Variants in RUSC2 observed in about 807,000 individuals in gnomAD.
RUSC2 encodes the protein AP-4 complex accessory subunit RUSC2.
Under a neutral mutation model 122.2 loss-of-function variants are expected in RUSC2, and 34 were observed. That is an observed-to-expected ratio of 0.28 (90% CI 0.21 to 0.37). The LOEUF (loss-of-function observed/expected upper bound fraction) is 0.37. RUSC2 is among the 10% of genes least tolerant of loss of function. The pLI, the probability that RUSC2 is intolerant of heterozygous loss-of-function variation, is 1.00. For missense variants in RUSC2, 1,747 were observed against 1,952.4 expected, an observed-to-expected ratio of 0.89 and a Z score of 1.98; for synonymous variants, 784 against 790.0, an observed-to-expected ratio of 0.99 and a Z score of 0.13.
At chr9:35,551,855 T>C (rs1230830338) in intron 2 of RUSC2, among the ~76,000 whole-genome samples, 1 of 151,316 alleles carries the variant, frequency 6.6e-6, no homozygotes, top group Non-Finnish European at 1.5e-5. Flanking sequence ...AAGCCAGGGG[T>C]TTGAGACCAG....
intron 1 of RUSC2, among the ~76,000 whole-genome samples, chr9:35,504,637 G>C (rs2132498393): frequency 6.6e-6 from 1 of 151,986 alleles, no homozygotes; most frequent in Non-Finnish European, 1.5e-5. Context: ...AGCTAATTTT[G>C]TATTTTTAGT....
intron 1 of RUSC2, among the ~76,000 whole-genome samples, chr9:35,539,816 TCCTC>T (rs1821607822): frequency 6.6e-6 from 1 of 152,028 alleles, no homozygotes; most frequent in South Asian, 2.1e-4. Context: ...CCTCCTGCCC[TCCTC>T]CCTTTGATCC....
rs756696312 is a variant in RUSC2, at chr9:35,526,966, TTATAAG to T, written c.-92-19459_-92-19454del. On this transcript the variant is annotated intron_variant, in intron 1 of 11. Transcript: ENST00000361226. ...CTTGATTCTCTACCAAAGATTCTGA[TTATAAG>T]TATATTAAACATTTTCATTCTATCT... is the stretch of plus-strand genomic sequence containing the variant. Among the ~76,000 whole-genome samples the T allele has an allele frequency of 3.4e-4, 52 of 152,326 alleles. 1 individual carries two copies. The South Asian group carries it at 8.9e-3, about 26-fold the overall frequency.
chr9:35,505,599 T>C (rs1022285741), intron 1 of RUSC2, among the ~76,000 whole-genome samples: 13 of 152,210 alleles, frequency 8.5e-5, no homozygotes, highest in Admixed American at 2.0e-4. Context: ...CTCAGAGATC[T>C]AGAGAGAAAT....
intron 1 of RUSC2, chr9:35,538,959 A>G (rs995362452): frequency 1.3e-5 from 2 of 152,304 alleles, no homozygotes; most frequent in Non-Finnish European, 2.9e-5. Context: ...ATGCCATTGT[A>G]TTAGCAGAAA....
intron 1 of RUSC2, among the ~76,000 whole-genome samples, chr9:35,509,329 A>G (rs1468034904): frequency 6.6e-6 from 1 of 152,166 alleles, no homozygotes; most frequent in Admixed American, 6.5e-5. Context: ...CATGGTGTAC[A>G]TGTCTGGAAA....
intron 2 of RUSC2, among the ~76,000 whole-genome samples, chr9:35,552,761 G>C (rs961012487): frequency 6.6e-6 from 1 of 152,166 alleles, no homozygotes; most frequent in African/African-American, 2.4e-5. Flanking sequence ...AAACTGACTC[G>C]GGTGAATACG....
At chr9:35,525,694 G>T (rs1170238045) in intron 1 of RUSC2, among the ~76,000 whole-genome samples, 2 of 152,114 alleles carry the variant, frequency 1.3e-5, no homozygotes, top group Admixed American at 1.3e-4. Context: ...AGCTACTCGG[G>T]AGGTTGAGGC....
At chr9:35,532,481 A>C (rs1030788833) in intron 1 of RUSC2, among the ~76,000 whole-genome samples, 19 of 152,232 alleles carry the variant, frequency 1.2e-4, no homozygotes, top group African/African-American at 4.6e-4. Flanking sequence ...TTGATGGCAC[A>C]TGCCTATAAT....
intron 1 of RUSC2, among the ~76,000 whole-genome samples, chr9:35,533,112 T>C (rs1821453713): frequency 6.6e-6 from 1 of 152,034 alleles, no homozygotes; most frequent in African/African-American, 2.4e-5. Context: ...CCAAGCATAG[T>C]GGCGCATGCC....
In RUSC2 at chr9:35,558,112, C is replaced by T; in HGVS notation, c.3061-85C>T. ...GTTGGGTACTTAGGAATGGGGACGG[C>T]AAGAGGGGAACCATGAGGGCCTGCT... On this transcript the variant is annotated intron_variant, in intron 6 of 11. Coordinates refer to ENST00000361226, the MANE Select transcript of RUSC2 (RefSeq NM_014806.5). This position sits in a 1 kb window ranked among gnomAD's most constrained non-coding sequence, Gnocchi z 4.3. 6.3e-7 allele frequency: 1 copy of T among 1,587,266 alleles called. No homozygotes were observed. Among genetic ancestry groups the T allele is most frequent in the East Asian group, 2.2e-5 (1 of 44,644 alleles).
intron 1 of RUSC2, among the ~76,000 whole-genome samples, chr9:35,516,613 T>C (rs950667420): frequency 6.6e-6 from 1 of 152,220 alleles, no homozygotes; most frequent in African/African-American, 2.4e-5. Context: ...TCAGCTCCAA[T>C]ACAAATAACC....
Position 35,557,096 on chromosome 9 carries a change from G to A in RUSC2, c.2983+648G>A, listed in dbSNP as rs1008841395. On this transcript the variant is annotated intron_variant, in intron 5 of 11. Coordinates refer to ENST00000361226, the MANE Select transcript of RUSC2 (RefSeq NM_014806.5). The surrounding 1 kb of genome is among the most constrained non-coding windows in gnomAD (Gnocchi z 4.6). ...AGAGGGCCCAGCAGCTTGGGTAAGA[G>A]TGTTGGTGACATCTAGTAAGATGAA... 6.6e-6 allele frequency among the ~76,000 whole-genome samples: 1 copy of A among 152,192 alleles called. No homozygotes were observed. The highest frequency in any genetic ancestry group is 1.9e-4 in the East Asian group (1 of 5,198).
At chr9:35,520,724 C>T (rs1177263551) in intron 1 of RUSC2, among the ~76,000 whole-genome samples, 1 of 152,190 alleles carries the variant, frequency 6.6e-6, no homozygotes, top group Admixed American at 6.5e-5. Context: ...TTCCAGCTAA[C>T]TTTCTCCTGC....
intron 1 of RUSC2, among the ~76,000 whole-genome samples, chr9:35,510,740 ACT>A (rs1348350936): frequency 6.6e-6 from 1 of 151,966 alleles, no homozygotes; most frequent in Non-Finnish European, 1.5e-5. Context: ...AGAGAAGGAA[ACT>A]CTTCTAGAGC....
chr9:35,536,289 C>A (rs1030289050), intron 1 of RUSC2, among the ~76,000 whole-genome samples: 1 of 152,186 alleles, frequency 6.6e-6, no homozygotes, highest in South Asian at 2.1e-4. Flanking sequence ...TCTGTAAAAT[C>A]AACAACCTGC....
chr9:35,557,295 G>A lies in RUSC2; in HGVS notation c.2984-619G>A, dbSNP rs1209993186. On this transcript the variant is annotated intron_variant, in intron 5 of 11. Transcript: ENST00000361226. This position sits in a 1 kb window ranked among gnomAD's most constrained non-coding sequence, Gnocchi z 4.6. ...ATCAGAGCTCAGGGAGAAAGAACCC[G>A]GGCAAGAAGGGAAACGGCCACCTTC... is the stretch of plus-strand genomic sequence containing the variant. Among the ~76,000 whole-genome samples the A allele has an allele frequency of 2.0e-5, 3 of 152,118 alleles. No individual in the cohort carries two copies. The highest frequency in any genetic ancestry group is 1.9e-4 in the East Asian group (1 of 5,194).
At position 35,550,642 on chromosome 9, in the gene RUSC2, A is replaced by C. The variant is rs376637740; in HGVS notation, c.2014+2107A>C. Among the ~76,000 whole-genome samples, 51 of 151,878 alleles carry C rather than the reference A, an allele frequency of 3.4e-4. No individual in the cohort carries two copies. In the South Asian group the frequency reaches 9.0e-3, roughly 27 times the overall value. On this transcript the variant is annotated intron_variant, in intron 2 of 11. Coordinates refer to ENST00000361226, the MANE Select transcript of RUSC2 (RefSeq NM_014806.5). ...CTCTGTCTCAAAAATAAAAAACAAA[A>C]GTGGTAGCTGAAGCTATGTGTGTGG...
At chr9:35,491,170 T>G (rs1820560519) in intron 1 of RUSC2, among the ~76,000 whole-genome samples, 1 of 150,984 alleles carries the variant, frequency 6.6e-6, no homozygotes, top group Non-Finnish European at 1.5e-5. Context: ...CCTAGGTGGG[T>G]GACCTGAGCA....
Sources: gnomAD v4.1 joint callset for allele counts (sites outside exome capture counted in the v4.1 genomes callset) on GRCh38, gnomAD v4.1.1 for gene constraint, Gnocchi (gnomAD v3.1) non-coding constraint, MANE v1.5 for transcripts, NCBI Gene and HGNC (gene_info 2026-07-23, HGNC 2026-07-21) for gene names.